Variants in BOP1 observed in about 807,000 individuals in gnomAD.
The protein encoded by BOP1 is ribosome biogenesis protein BOP1.
BOP1 carries 54 observed loss-of-function variants against 82.9 expected under a neutral mutation model. The ratio of observed to expected loss-of-function variants is 0.65; its 90% CI spans 0.52 to 0.82. The LOEUF (loss-of-function observed/expected upper bound fraction) is 0.82. Ranked by LOEUF, BOP1 falls within the 40% of genes least tolerant of loss-of-function variation. The pLI is 0.00. For synonymous variants in BOP1, 566 were observed against 451.1 expected (o/e 1.25, Z -3.23); for missense variants, 1,170 against 1,072.0 (o/e 1.09, Z -1.28).
chr8:144,270,532 CCT>C (rs1442939839), intron 3 of BOP1, among the ~76,000 whole-genome samples: 6 of 152,142 alleles, frequency 3.9e-5, no homozygotes, highest in Non-Finnish European at 8.8e-5. Context: ...CCAGCCGCTC[CCT>C]GAGCTGCACC....
intron 2 of BOP1, among the ~76,000 whole-genome samples, chr8:144,285,863 G>A (rs927172792): frequency 2.0e-5 from 3 of 152,234 alleles, no homozygotes; most frequent in Non-Finnish European, 2.9e-5. Flanking sequence ...AGATACAGGC[G>A]TAAGGAGCCC....
chr8:144,267,132 C>T (rs1321564085), intron 3 of BOP1: 71 of 1,511,946 alleles, frequency 4.7e-5, no homozygotes, highest in Non-Finnish European at 6.1e-5. Flanking sequence ...GCGAGAACAC[C>T]CAGCCCAAAC....
chr8:144,281,585 T>TCGGCC (rs1564602155), intron 2 of BOP1: 2 of 146,436 alleles, frequency 1.4e-5, no homozygotes, highest in African/African-American at 5.3e-5. Flanking sequence ...TACCAGGTCT[T>TCGGCC]TGGCCTTCTC....
rs1815059887 is a variant in BOP1 at position 144,291,180 on chromosome 8, T to C, written c.99+92A>G. ...GATTCACTGGGCGCGGGCGCCCAGG[T>C]GACAGAAGCCGGGCCCACCCGCCCC... On this transcript the variant is annotated intron_variant, in intron 1 of 15. Coordinates refer to ENST00000569669, the MANE Select transcript of BOP1 (RefSeq NM_015201.5). The surrounding 1 kb of genome is among the most constrained non-coding windows in gnomAD (Gnocchi z 4.1). 8.6e-7 allele frequency: 1 copy of C among 1,161,390 alleles called. No homozygotes were observed. The highest frequency in any genetic ancestry group is 3.9e-5 in the East Asian group (1 of 25,426). 71.9% of individuals were successfully genotyped at this position (1,161,390 alleles called of 1,614,324 possible).
chr8:144,282,193 T>C (rs2130256287), intron 2 of BOP1, among the ~76,000 whole-genome samples: 1 of 152,276 alleles, frequency 6.6e-6, no homozygotes, highest in South Asian at 2.1e-4. Context: ...GGCAGCTTCC[T>C]CCCTGGCTGG....
rs1554838195 is a variant in BOP1, at chr8:144,275,433, C to T, written c.390+791G>A. Reference sequence around the variant, plus strand: ...CAGCCCAGTGCCAGCCTCTCCACGCCGGCGGAACCCAGCCCGGTGCCAGCC... The same window carrying T: ...CAGCCCAGTGCCAGCCTCTCCACGCTGGCGGAACCCAGCCCGGTGCCAGCC... On this transcript the variant is annotated intron_variant, in intron 3 of 15. Transcript: ENST00000569669. Among the ~76,000 whole-genome samples, 128 of 139,586 alleles carry T rather than the reference C, an allele frequency of 9.2e-4. No homozygotes were observed. In the Middle Eastern group the frequency reaches 0.012, roughly 13 times the overall value. The allele number at this position is 139,586 out of a possible 152,430, so 91.6% of individuals were successfully genotyped here. A position where few individuals can be genotyped will look rare whatever the true frequency, so the allele number is the denominator to read the frequency against.
At chr8:144,265,158 G>A in intron 3 of BOP1, 87 bp from the exon 4 acceptor site, 1 of 1,496,308 alleles carries the variant, frequency 6.7e-7, no homozygotes. Flanking sequence ...TGAGGGGGTT[G>A]CAGGGGGAGT....
At chr8:144,269,267 GACC>G (rs1845450944) in intron 3 of BOP1, among the ~76,000 whole-genome samples, 1 of 152,242 alleles carries the variant, frequency 6.6e-6, no homozygotes, top group Non-Finnish European at 1.5e-5. Context: ...GTGCTGTGTG[GACC>G]ACCTCCCCCC....
At chr8:144,268,283 G>A (rs1448412997) in intron 3 of BOP1, 26 of 1,260,854 alleles carry the variant, frequency 2.1e-5, no homozygotes, top group South Asian at 1.7e-4. Flanking sequence ...GGCTGCGAGC[G>A]GGGCCGAGGG....
chr8:144,283,742 G>A (rs1554839185), intron 2 of BOP1, among the ~76,000 whole-genome samples: 1 of 152,266 alleles, frequency 6.6e-6, no homozygotes, highest in East Asian at 1.9e-4. Flanking sequence ...GAGGCTGGTG[G>A]TGGGAAAGCA....
chr8:144,270,733 G>A (rs945005842), intron 3 of BOP1, among the ~76,000 whole-genome samples: 1 of 152,122 alleles, frequency 6.6e-6, no homozygotes, highest in Non-Finnish European at 1.5e-5. Context: ...CGAGTGGCAG[G>A]TGCTCCCTGC....
intron 3 of BOP1, among the ~76,000 whole-genome samples, chr8:144,272,822 G>A (rs1354519704): frequency 5.3e-5 from 8 of 152,174 alleles, no homozygotes; most frequent in African/African-American, 1.7e-4. Context: ...ACAACTGAGT[G>A]CAGCAGGCCA....
Position 144,262,132 on chromosome 8 carries a change from A to C in BOP1, c.*32T>G. 1.1e-5 allele frequency: 17 copies of C among 1,611,214 alleles called. No individual in the cohort carries two copies. Among genetic ancestry groups the C allele is most frequent in the Non-Finnish European group, 1.4e-5 (17 of 1,179,800 alleles). The stretch of plus-strand genomic sequence containing the variant: ...GGGTAAAGGCTCTGTTGACTTCAGC[A>C]CGACCACCCCAGCCCCAGGCAGGCA... On this transcript the variant is annotated 3_prime_UTR_variant, in exon 16 of 16. Transcript: ENST00000569669.
chr8:144,280,836 A>G (rs901255238), intron 2 of BOP1, among the ~76,000 whole-genome samples: 1 of 152,086 alleles, frequency 6.6e-6, no homozygotes, highest in Non-Finnish European at 1.5e-5. Context: ...CGGGTGACAG[A>G]CAGACTCTTG....
chr8:144,271,324 C>T (rs1235155837), intron 3 of BOP1, among the ~76,000 whole-genome samples: 1 of 152,122 alleles, frequency 6.6e-6, no homozygotes, highest in Admixed American at 6.5e-5. Context: ...CGCCTCCTCC[C>T]GTGTCTGTCT....
At chr8:144,288,661 T>C (rs1219010142) in intron 2 of BOP1, among the ~76,000 whole-genome samples, 1 of 152,216 alleles carries the variant, frequency 6.6e-6, no homozygotes, top group African/African-American at 2.4e-5. Context: ...TTAAACCCTC[T>C]ACCCGTCGGC....
chr8:144,272,676 G>T (rs1401372045), intron 3 of BOP1, among the ~76,000 whole-genome samples: 1 of 152,046 alleles, frequency 6.6e-6, no homozygotes, highest in Non-Finnish European at 1.5e-5. Flanking sequence ...AGGAGGACGC[G>T]GCTCTGAAGA....
chr8:144,289,359 A>G, intron 1 of BOP1, 55 bp from the exon 2 acceptor site: 1 of 1,572,676 alleles, frequency 6.4e-7, no homozygotes, highest in South Asian at 1.1e-5. Flanking sequence ...GGGGCACTGA[A>G]CACTGCAGGG....
intron 2 of BOP1, among the ~76,000 whole-genome samples, chr8:144,285,711 G>C (rs1009517927): frequency 2.6e-5 from 4 of 152,242 alleles, no homozygotes; most frequent in Admixed American, 6.5e-5. Context: ...CTCAACGGAA[G>C]GGTTCTTGGG....
Sources: gnomAD v4.1 joint callset for allele counts (sites outside exome capture counted in the v4.1 genomes callset) on GRCh38, gnomAD v4.1.1 for gene constraint, Gnocchi (gnomAD v3.1) non-coding constraint, MANE v1.5 for transcripts, NCBI Gene and HGNC (gene_info 2026-07-23, HGNC 2026-07-21) for gene names.